The following SPNS3 variants were observed in gnomAD, a reference collection of about 807,000 sequenced individuals.
SPNS3 encodes protein spinster homolog 3.
A neutral mutation model predicts 54.4 loss-of-function variants in SPNS3; 51 were observed. That is an observed-to-expected ratio of 0.94 (90% CI 0.75 to 1.18). The LOEUF (loss-of-function observed/expected upper bound fraction) is 1.18. Ranked by LOEUF, SPNS3 falls within the 50% of genes most tolerant of loss-of-function variation. The probability of loss-of-function intolerance (pLI) is 0.00; values close to 1 mark genes in which losing one functional copy is unlikely to be tolerated. For missense variants in SPNS3, 669 were observed against 677.4 expected, an observed-to-expected ratio of 0.99 and a Z score of 0.14; for synonymous variants, 309 against 294.7, an observed-to-expected ratio of 1.05 and a Z score of -0.50.
At chr17:4,457,192 G>C (rs1176426294) in intron 8 of SPNS3, among the ~76,000 whole-genome samples, 1 of 152,194 alleles carries the variant, frequency 6.6e-6, no homozygotes, top group Non-Finnish European at 1.5e-5. Flanking sequence ...AGGAGTTAGA[G>C]ACCAGCCTGG....
At chr17:4,473,833 C>CAGGATGCAG (rs1872903002) in intron 8 of SPNS3, among the ~76,000 whole-genome samples, 1 of 152,160 alleles carries the variant, frequency 6.6e-6, no homozygotes, top group South Asian at 2.1e-4. Context: ...AGGGTCAGCC[C>CAGGATGCAG]AGGATGCAGG....
At chr17:4,439,352 C>T (rs1415417320) in intron 1 of SPNS3, among the ~76,000 whole-genome samples, 1 of 152,204 alleles carries the variant, frequency 6.6e-6, no homozygotes, top group Non-Finnish European at 1.5e-5. Context: ...TCTCAAGCTC[C>T]TGACCTCAGG....
chr17:4,481,793 A>C (rs1191672758), intron 9 of SPNS3, among the ~76,000 whole-genome samples: 1 of 151,868 alleles, frequency 6.6e-6, no homozygotes, highest in Non-Finnish European at 1.5e-5. Context: ...GATAGAATGA[A>C]CTCACACCTG....
At position 4,445,069 on chromosome 17, in the gene SPNS3, T is replaced by C. The variant is rs146225796; in HGVS notation, c.303T>C (p.Phe101=). 2.7e-5 allele frequency: 44 copies of C among 1,614,190 alleles called. No individual in the cohort carries two copies. In the African/African-American group the frequency reaches 3.9e-4, roughly 14 times the overall value. The stretch of plus-strand genomic sequence containing the variant: ...GCCTGCTGCTGTCTGCACCTGTGTT[T>C]GGCTACCTGGGCGACCGACATAGCC... ...VSCLLLSAPV[F]GYLGDRHSRK... Residue 101 remains phenylalanine, a synonymous_variant, in exon 3 of 12, where the codon TTT becomes TTC. Transcript: ENST00000355530.
chr17:4,435,605 C>T (rs1970695671), intron 1 of SPNS3, among the ~76,000 whole-genome samples: 1 of 151,926 alleles, frequency 6.6e-6, no homozygotes, highest in Non-Finnish European at 1.5e-5. Flanking sequence ...AGGTGGAGGA[C>T]AGGGTAGCCT....
At chr17:4,464,362 G>A (rs927964601) in intron 8 of SPNS3, among the ~76,000 whole-genome samples, 11 of 152,196 alleles carry the variant, frequency 7.2e-5, no homozygotes, top group Non-Finnish European at 1.6e-4. Context: ...TCAGAGGAGG[G>A]ACTGCACCCA....
chr17:4,473,061 T>C (rs1971901485), intron 8 of SPNS3, among the ~76,000 whole-genome samples: 1 of 152,050 alleles, frequency 6.6e-6, no homozygotes, highest in Non-Finnish European at 1.5e-5. Context: ...AGTGTTGGGA[T>C]TATAGGTGTG....
chr17:4,443,564 C>G (rs945277560), intron 2 of SPNS3, among the ~76,000 whole-genome samples: 1 of 152,092 alleles, frequency 6.6e-6, no homozygotes. Context: ...ATGCAGATAA[C>G]TTTTATGTGC....
At chr17:4,459,439 C>G (rs974189558) in intron 8 of SPNS3, among the ~76,000 whole-genome samples, 1 of 151,964 alleles carries the variant, frequency 6.6e-6, no homozygotes, top group Non-Finnish European at 1.5e-5. Context: ...CAGCTGGGTG[C>G]GGTGCTTCAT....
chr17:4,481,738 G>T (rs1972155154), intron 9 of SPNS3, among the ~76,000 whole-genome samples: 1 of 152,204 alleles, frequency 6.6e-6, no homozygotes, highest in Non-Finnish European at 1.5e-5. Flanking sequence ...CACCTGTCCA[G>T]TAGGTAGAGC....
intron 9 of SPNS3, 125 bp downstream of exon 9, chr17:4,478,762 C>A (rs1034214444): frequency 1.0e-5 from 9 of 904,194 alleles, no homozygotes; most frequent in Non-Finnish European, 1.5e-5. Context: ...CAAAGCCATT[C>A]ACGGTTATCT....
At chr17:4,438,195 G>C (rs1200106668) in intron 1 of SPNS3, among the ~76,000 whole-genome samples, 1 of 152,180 alleles carries the variant, frequency 6.6e-6, no homozygotes, top group Non-Finnish European at 1.5e-5. Flanking sequence ...TGTTTCTGCG[G>C]GGACCCACTT....
In SPNS3 at chr17:4,446,110, C is replaced by T. The variant is rs771265706; in HGVS notation, c.465C>T (p.Thr155=). 18 of 1,613,278 alleles carry T rather than the reference C, an allele frequency of 1.1e-5. No individual in the cohort carries two copies. The African/African-American group carries it at 2.3e-4, about 20-fold the overall frequency. The change falls in exon 4 of 12, where the codon ACC becomes ACT. Residue 155 remains threonine, a synonymous_variant. Coordinates refer to ENST00000355530, the MANE Select transcript of SPNS3 (RefSeq NM_182538.5). ...GCACTGGCTCGGCCAGCTACTCCAC[C>T]ATCGCGCCCACCGTCCTGGGCGACC... is the stretch of plus-strand genomic sequence containing the variant. ...IVGTGSASYS[T]IAPTVLGDLF... is the part of the protein sequence containing the mutation.
intron 2 of SPNS3, among the ~76,000 whole-genome samples, chr17:4,440,505 G>C (rs1970822775): frequency 6.6e-6 from 1 of 152,190 alleles, no homozygotes; most frequent in South Asian, 2.1e-4. Context: ...CATGAACACA[G>C]AGAGTTTTGA....
At chr17:4,452,863 T>A (rs1019048481) in intron 7 of SPNS3, among the ~76,000 whole-genome samples, 153 bp from the exon 8 acceptor site, 2 of 151,840 alleles carry the variant, frequency 1.3e-5, no homozygotes, top group African/African-American at 4.8e-5. Context: ...TGGGTAAGGT[T>A]CTGGGTCAGG....
chr17:4,438,184 G>A (rs1238156174), intron 1 of SPNS3, among the ~76,000 whole-genome samples: 2 of 152,202 alleles, frequency 1.3e-5, no homozygotes, highest in African/African-American at 2.4e-5. Context: ...CTTGGTGTGG[G>A]TGTTTCTGCG....
intron 5 of SPNS3, 44 bp downstream of exon 5, chr17:4,447,006 C>A (rs772780054): frequency 1.2e-6 from 2 of 1,606,224 alleles, no homozygotes; most frequent in Admixed American, 3.3e-5. Context: ...CCCTCTGGAC[C>A]GGCAGGGACT....
rs143303039 is a variant in SPNS3 at position 4,487,922 on chromosome 17, C to T, written c.*28C>T. 155 of 1,602,668 alleles carry T rather than the reference C, an allele frequency of 9.7e-5. 1 individual carries two copies. In the South Asian group the frequency reaches 1.6e-3, roughly 17 times the overall value. On this transcript the variant is annotated 3_prime_UTR_variant, in exon 12 of 12. Coordinates refer to ENST00000355530, the MANE Select transcript of SPNS3 (RefSeq NM_182538.5). ...TCCCTGCCTACACTCGTCCTGCCTG[C>T]AAGCCTCCCGTTGGTCCCCACAGCA... is the stretch of plus-strand genomic sequence containing the variant.
chr17:4,476,514 G>A (rs1390498523), intron 8 of SPNS3, among the ~76,000 whole-genome samples: 1 of 152,236 alleles, frequency 6.6e-6, no homozygotes, highest in Non-Finnish European at 1.5e-5. Flanking sequence ...AATGTGAAGG[G>A]GGGAGAGGCC....
Sources: gnomAD v4.1 joint callset for allele counts (sites outside exome capture counted in the v4.1 genomes callset) on GRCh38, gnomAD v4.1.1 for gene constraint, MANE v1.5 for transcripts, NCBI Gene and HGNC (gene_info 2026-07-23, HGNC 2026-07-21) for gene names.